Variants in BAIAP3 observed in about 807,000 individuals in gnomAD.
BAIAP3 encodes BAI1-associated protein 3.
A neutral mutation model predicts 149.7 loss-of-function variants in BAIAP3; 180 were observed. The ratio of observed to expected loss-of-function variants is 1.20; its 90% CI spans 1.07 to 1.36. The LOEUF (loss-of-function observed/expected upper bound fraction) is 1.36. BAIAP3 is among the 40% of genes most tolerant of loss of function. BAIAP3 has a pLI of 0.00. For synonymous variants in BAIAP3, 845 were observed against 670.7 expected, an observed-to-expected ratio of 1.26 and a Z score of -4.02; for missense variants, 1,767 against 1,563.4, an observed-to-expected ratio of 1.13 and a Z score of -2.20.
chr16:1,340,640 G>A (rs143611450), intron 5 of BAIAP3, among the ~76,000 whole-genome samples: 3 of 152,134 alleles, frequency 2.0e-5, no homozygotes, highest in Non-Finnish European at 2.9e-5. Context: ...CTCGAAGGAC[G>A]CTCCCGGCTT....
intron 14 of BAIAP3, 126 bp downstream of exon 14, chr16:1,343,142 G>A (rs1372379364): frequency 4.4e-6 from 5 of 1,138,580 alleles, no homozygotes; most frequent in Non-Finnish European, 6.2e-6. Context: ...GCGGTGCTGA[G>A]TAGGTGGGGC....
At chr16:1,338,862 G>C (rs747892050) in intron 2 of BAIAP3, 40 bp from the exon 3 acceptor site, 1 of 1,610,694 alleles carries the variant, frequency 6.2e-7, no homozygotes, top group Admixed American at 1.7e-5. Flanking sequence ...GCAGGGGCCA[G>C]CGTGCTGAGA....
In BAIAP3 at chr16:1,338,697, C is replaced by T; in HGVS notation, c.131+17C>T. The T allele has an allele frequency of 6.4e-7, 1 of 1,569,058 alleles. No individual in the cohort carries two copies. The highest frequency in any genetic ancestry group is 8.6e-7 in the Non-Finnish European group (1 of 1,159,356). On this transcript the variant is annotated intron_variant, in intron 2 of 33. Coordinates refer to ENST00000426824, the MANE Select transcript of BAIAP3 (RefSeq NM_001199097.2). ...GGGGGCCTGGTGGGTGCCGAGGGGC[C>T]CAGCCCCACACGCCCACAGGGCCAT...
In BAIAP3 at chr16:1,346,952, G is replaced by A. The variant is rs746969446; in HGVS notation, c.2748G>A (p.Leu916=). The A allele has an allele frequency of 3.7e-6, 6 of 1,606,860 alleles. No individual in the cohort carries two copies. In the Admixed American group the frequency reaches 6.7e-5, roughly 18 times the overall value. ...TCTACAGCCGCTTCCATTTCACGCTGGAGGTAGAGCTCTGTGAAGGAGTCC... is the reference window on the plus strand; with the variant it reads ...TCTACAGCCGCTTCCATTTCACGCTAGAGGTAGAGCTCTGTGAAGGAGTCC... The part of the protein sequence containing the change: ...ADFYSRFHFT[L]EALVSFFHAE... The change falls in exon 28 of 34, where the codon CTG becomes CTA. Residue 916 remains leucine (L), a synonymous_variant. Transcript: ENST00000426824.
rs763102735 is a variant in BAIAP3 at position 1,345,989 on chromosome 16, G to A, written c.2212G>A (p.Val738Met). Residue 738 changes from valine to methionine, a missense_variant, in exon 24 of 34, where the codon GTG becomes ATG. By Grantham distance (21) the Val-to-Met change is conservative. Transcript: ENST00000426824. Reference sequence around the variant, plus strand: ...CCCACCGCCATCCCCTCCTCAGGACGTGTGTGAGGCCACCCTCTTCTATAC... The same window carrying A: ...CCCACCGCCATCCCCTCCTCAGGACATGTGTGAGGCCACCCTCTTCTATAC... Reference protein sequence around the residue: ...QGLGTQLGQDVCEATLFYTEL... With the variant: ...QGLGTQLGQDMCEATLFYTEL... 5 of 1,606,548 alleles carry A rather than the reference G, an allele frequency of 3.1e-6. No homozygotes were observed. The highest frequency in any genetic ancestry group is 1.1e-5 in the South Asian group (1 of 90,172).
rs750235362 is a variant in BAIAP3 at position 1,342,817 on chromosome 16, A to T, written c.1161+3A>T. ...GGTTGGAGCACTCAGCAGAGGAGGT[A>T]GTGGGTGCGCCTAGGATTGGAACAG... On this transcript the variant is annotated splice_donor_region_variant and intron_variant, in intron 13 of 33. Transcript: ENST00000426824. 2.5e-6 allele frequency: 4 copies of T among 1,612,592 alleles called. No individual in the cohort carries two copies. Among genetic ancestry groups the T allele is most frequent in the Non-Finnish European group, 2.5e-6 (3 of 1,179,950 alleles).
Position 1,343,490 on chromosome 16 carries a change from G to T in BAIAP3, c.1363G>T (p.Ala455Ser). Residue 455 changes from alanine to serine, a missense_variant, in exon 15 of 34, where the codon GCT (alanine) becomes TCT (serine). Coordinates refer to ENST00000426824, the MANE Select transcript of BAIAP3 (RefSeq NM_001199097.2). ...LEDMQAHWEE[A>S]PSLPQEQEES... The stretch of plus-strand genomic sequence containing the variant: ...GGACATGCAGGCACACTGGGAAGAG[G>T]CTCCTTCACTGCCCCAGGAGCAGGT... The T allele has an allele frequency of 6.2e-7, 1 of 1,605,266 alleles. No individual in the cohort carries two copies. Among genetic ancestry groups the T allele is most frequent in the Non-Finnish European group, 8.5e-7 (1 of 1,177,476 alleles).
chr16:1,338,655 C>T lies in BAIAP3; in HGVS notation c.106C>T (p.Pro36Ser). Residue 36 changes from proline to serine, a missense_variant, in exon 2 of 34, where the codon CCG becomes TCG. Physicochemically the swap from Pro to Ser is moderately conservative, Grantham distance 74. Coordinates refer to ENST00000426824, the MANE Select transcript of BAIAP3 (RefSeq NM_001199097.2). ...GGACCCAGGGAGTGCCAGCGCCGAC[C>T]CGCAGGAGCCTGCCACGGGGGCCTG... ...EQDPGSASAD[P>S]QEPATGAWKP... The T allele has an allele frequency of 6.3e-7, 1 of 1,589,416 alleles. No individual in the cohort carries two copies. The highest frequency in any genetic ancestry group is 8.5e-7 in the Non-Finnish European group (1 of 1,169,712).
Position 1,344,063 on chromosome 16 carries a change from C to G in BAIAP3, c.1428C>G (p.Phe476Leu), listed in dbSNP as rs368561329. Reference protein sequence around the residue: ...LADSLSAFSEFGLQLLRQLRD... With the variant: ...LADSLSAFSELGLQLLRQLRD... ...ATAGCCTTTCCGCCTTCTCTGAGTT[C>G]GGGCTGCAGCTGCTGCGCCAGCTCC... The change falls in exon 16 of 34, where the codon TTC becomes TTG. Residue 476 changes from phenylalanine to leucine, a missense_variant. Coordinates refer to ENST00000426824, the MANE Select transcript of BAIAP3 (RefSeq NM_001199097.2). The G allele has an allele frequency of 7.4e-6, 12 of 1,612,300 alleles. No homozygotes were observed. Among genetic ancestry groups the G allele is most frequent in the Middle Eastern group, 1.6e-4 (1 of 6,084 alleles).
intron 1 of BAIAP3, among the ~76,000 whole-genome samples, chr16:1,333,989 A>C (rs977293021): frequency 6.6e-6 from 1 of 150,880 alleles, no homozygotes. Flanking sequence ...CCGAACGCGC[A>C]GGAGAGGGTG....
At chr16:1,335,520 C>T (rs1453290290) in intron 1 of BAIAP3, among the ~76,000 whole-genome samples, 1 of 152,230 alleles carries the variant, frequency 6.6e-6, no homozygotes, top group South Asian at 2.1e-4. Flanking sequence ...GCCACCCAGG[C>T]AGCCAGTGCT....
At position 1,342,894 on chromosome 16, in the gene BAIAP3, G is replaced by A. The variant is rs752665498; in HGVS notation, c.1162-19G>A. ...GTGGGGCTGTCCCGCCTCCACCCAC[G>A]ACAGACCTCCTCCCCCAGCCCAACT... On this transcript the variant is annotated intron_variant, in intron 13 of 33. Transcript: ENST00000426824. 106 of 1,612,042 alleles carry A rather than the reference G, an allele frequency of 6.6e-5. No individual in the cohort carries two copies. In the South Asian group the frequency reaches 1.0e-3, roughly 16 times the overall value.
intron 1 of BAIAP3, among the ~76,000 whole-genome samples, chr16:1,337,514 G>A (rs1327565419): frequency 6.6e-6 from 1 of 152,228 alleles, no homozygotes; most frequent in Admixed American, 6.5e-5. Flanking sequence ...GGAGGCTGCA[G>A]TGAGCTGAGA....
rs774153647 is a variant in BAIAP3 at position 1,346,252 on chromosome 16, C to T, written c.2384C>T (p.Ala795Val). Residue 795 changes from alanine to valine, a missense_variant, in exon 25 of 34, where the codon GCC (alanine) becomes GTC (valine). Transcript: ENST00000426824. ...AAGGGCCTGGCATGGCCAGAGGGGG[C>T]CACGGGGCCCGAGGGGGTGCTCCCC... ...ALKGLAWPEG[A>V]TGPEGVLPRP... The T allele has an allele frequency of 1.4e-5, 23 of 1,610,884 alleles. No homozygotes were observed. The highest frequency in any genetic ancestry group is 1.9e-5 in the Non-Finnish European group (22 of 1,179,020).
In BAIAP3 at chr16:1,345,987, A is replaced by T; in HGVS notation, c.2210A>T (p.Asp737Val). Residue 737 changes from aspartate to valine, a missense_variant and splice_region_variant, in exon 24 of 34, where the codon GAC becomes GTC. Transcript: ENST00000426824. ...TCCCCACCGCCATCCCCTCCTCAGG[A>T]CGTGTGTGAGGCCACCCTCTTCTAT... ...AQGLGTQLGQ[D>V]VCEATLFYTE... 2 of 1,606,268 alleles carry T rather than the reference A, an allele frequency of 1.2e-6. No individual in the cohort carries two copies.
In BAIAP3 at chr16:1,348,604, T is replaced by C; in HGVS notation, c.*122T>C. ...GGCGCCCCTCCTGTGCTGTGACGTG[T>C]GTGTCGTGGCTGGCCCCGCGGCGCC... On this transcript the variant is annotated 3_prime_UTR_variant, in exon 34 of 34. Transcript: ENST00000426824. The C allele has an allele frequency of 2.0e-6, 2 of 998,966 alleles. No individual in the cohort carries two copies. Among genetic ancestry groups the C allele is most frequent in the Non-Finnish European group, 3.0e-6 (2 of 667,650 alleles). The allele number at this position is 998,966 out of a possible 1,614,324, so 61.9% of individuals were successfully genotyped here.
chr16:1,346,721 C>T (rs764300143), intron 27 of BAIAP3, 37 bp downstream of exon 27: 41 of 1,513,814 alleles, frequency 2.7e-5, no homozygotes, highest in Middle Eastern at 2.3e-4. Context: ...TGGGCTGGCC[C>T]GTGGTCACTG....
chr16:1,344,181 G>A (rs1308073086), intron 16 of BAIAP3, 35 bp downstream of exon 16: 10 of 1,612,144 alleles, frequency 6.2e-6, no homozygotes, highest in Admixed American at 1.7e-5. Flanking sequence ...GTGGGTGGGG[G>A]CGGCTGGCAG....
chr16:1,334,148 C>A (rs891503709), intron 1 of BAIAP3, among the ~76,000 whole-genome samples: 1 of 151,880 alleles, frequency 6.6e-6, no homozygotes, highest in Non-Finnish European at 1.5e-5. Flanking sequence ...CCCAGCACCC[C>A]TCCCGGGCGG....
Sources: allele counts gnomAD v4.1 joint callset (sites outside exome capture counted in the v4.1 genomes callset), GRCh38; gene constraint gnomAD v4.1.1; transcripts MANE v1.5; gene names NCBI Gene and HGNC (gene_info 2026-07-23, HGNC 2026-07-21).